Variants in CRMP1 observed in about 807,000 individuals in gnomAD.
CRMP1 encodes collapsin response mediator protein 1.
In CRMP1, 19 loss-of-function variants were observed where a neutral mutation model predicts 68.3. The observed-to-expected ratio is 0.28, with a 90% CI of 0.19 to 0.41. CRMP1 has a LOEUF of 0.41. Among genes scored for constraint, CRMP1 ranks in the 10% least tolerant of loss-of-function variants. CRMP1 has a pLI of 1.00. For synonymous variants in CRMP1, 439 were observed against 399.6 expected (o/e 1.10, Z -1.18); for missense variants, 791 against 967.4 (o/e 0.82, Z 2.42).
intron 1 of CRMP1, among the ~76,000 whole-genome samples, chr4:5,869,506 C>T (rs995853942): frequency 4.6e-5 from 7 of 151,540 alleles, no homozygotes; most frequent in Non-Finnish European, 7.4e-5. Context: ...CACGGTGAAA[C>T]GCCATCTCTA....
In CRMP1 at chr4:5,892,351, T is replaced by C. The variant is rs963025812; in HGVS notation, c.381+238A>G. On this transcript the variant is annotated intron_variant, in intron 1 of 13. Coordinates refer to ENST00000324989, the MANE Select transcript of CRMP1 (RefSeq NM_001014809.3). The surrounding 1 kb of genome is among the most constrained non-coding windows in gnomAD (Gnocchi z 8.6). ...CTTTCTGTAGAAGAGGAGCCGGGACTGGACCCGGGCGATCCCTTCCGAGTC... is the reference window on the plus strand; with the variant it reads ...CTTTCTGTAGAAGAGGAGCCGGGACCGGACCCGGGCGATCCCTTCCGAGTC... Among the ~76,000 whole-genome samples, 3 of 152,212 alleles carry C rather than the reference T, an allele frequency of 2.0e-5. No homozygotes were observed. Among genetic ancestry groups the C allele is most frequent in the South Asian group, 2.1e-4 (1 of 4,830 alleles).
chr4:5,853,599 C>T lies in CRMP1; in HGVS notation c.821-2130G>A, dbSNP rs1395842294. ...AGCAGTCCCACTACCGGCTGAAAAT[C>T]CAAAGGAATTGAAATCAGAATACCC... On this transcript the variant is annotated intron_variant, in intron 4 of 13. Transcript: ENST00000324989. The surrounding 1 kb of genome is among the most constrained non-coding windows in gnomAD (Gnocchi z 4.7). Among the ~76,000 whole-genome samples, 1 of 152,174 alleles carries T rather than the reference C, an allele frequency of 6.6e-6. No homozygotes were observed. The highest frequency in any genetic ancestry group is 1.5e-5 in the Non-Finnish European group (1 of 68,036).
chr4:5,851,943 G>A (rs920699522), intron 4 of CRMP1, among the ~76,000 whole-genome samples: 4 of 146,428 alleles, frequency 2.7e-5, no homozygotes, highest in Non-Finnish European at 4.5e-5. Flanking sequence ...GGAAGAGGAG[G>A]AGAAAGGGAG....
At position 5,854,484 on chromosome 4, in the gene CRMP1, A is replaced by G. The variant is rs1198305762; in HGVS notation, c.820+1659T>C. ...GGTCTCAAACTCCAGGCCTCAAGCAATCCTCCCTCCTCAGCCTCCCGAAGT... is the reference window on the plus strand; with the variant it reads ...GGTCTCAAACTCCAGGCCTCAAGCAGTCCTCCCTCCTCAGCCTCCCGAAGT... On this transcript the variant is annotated intron_variant, in intron 4 of 13. Transcript: ENST00000324989. The surrounding 1 kb of genome is among the most constrained non-coding windows in gnomAD (Gnocchi z 4.0). 6.8e-6 allele frequency among the ~76,000 whole-genome samples: 1 copy of G among 147,360 alleles called. No individual in the cohort carries two copies. Among genetic ancestry groups the G allele is most frequent in the Non-Finnish European group, 1.5e-5 (1 of 67,390 alleles).
chr4:5,887,548 A>T (rs775734387), intron 1 of CRMP1: 155 of 984,742 alleles, frequency 1.6e-4, no homozygotes, highest in Non-Finnish European at 1.8e-4. Context: ...GGCCACACCC[A>T]GGGACGCAGC....
Position 5,889,635 on chromosome 4 carries a change from A to G in CRMP1, c.381+2954T>C, listed in dbSNP as rs1359508163. The G allele has an allele frequency of 6.5e-7, 1 of 1,536,148 alleles. No homozygotes were observed. Among genetic ancestry groups the G allele is most frequent in the Non-Finnish European group, 8.7e-7 (1 of 1,146,908 alleles). On this transcript the variant is annotated intron_variant, in intron 1 of 13. Coordinates refer to ENST00000324989, the MANE Select transcript of CRMP1 (RefSeq NM_001014809.3). This position sits in a 1 kb window ranked among gnomAD's most constrained non-coding sequence, Gnocchi z 4.5. ...GAATAAAACACCAACCTTGTCCACC[A>G]CTTCGTTGTTCATTTTCTGCATGCG...
rs952796382 is a variant in CRMP1 at position 5,877,920 on chromosome 4, G to T, written c.382-11164C>A. Among the ~76,000 whole-genome samples the T allele has an allele frequency of 6.6e-6, 1 of 152,200 alleles. No individual in the cohort carries two copies. Among genetic ancestry groups the T allele is most frequent in the South Asian group, 2.1e-4 (1 of 4,824 alleles). ...GCCTGCACGCTGCATAGGGAAAGAC[G>T]ATGCTAGCTGCATGTGTGATCGGTA... On this transcript the variant is annotated intron_variant, in intron 1 of 13. Transcript: ENST00000324989. This position sits in a 1 kb window ranked among gnomAD's most constrained non-coding sequence, Gnocchi z 4.3.
chr4:5,851,547 C>T (rs1023634388), intron 4 of CRMP1, 78 bp from the exon 5 acceptor site: 29 of 1,408,238 alleles, frequency 2.1e-5, no homozygotes, highest in Non-Finnish European at 2.8e-5. Flanking sequence ...TCAATGACCA[C>T]AGAGCAGAGT....
chr4:5,845,927 C>A (rs937133570), intron 6 of CRMP1, among the ~76,000 whole-genome samples: 6 of 152,084 alleles, frequency 3.9e-5, no homozygotes, highest in Non-Finnish European at 8.8e-5. Context: ...GTCTACAGCC[C>A]CTTGTTAAGA....
chr4:5,827,417 G>A (rs967392337), intron 12 of CRMP1, among the ~76,000 whole-genome samples: 1 of 152,168 alleles, frequency 6.6e-6, no homozygotes, highest in Non-Finnish European at 1.5e-5. Context: ...TCTTTGACCT[G>A]GTGCTACACC....
Position 5,861,342 on chromosome 4 carries a change from T to C in CRMP1, c.471-132A>G. The stretch of plus-strand genomic sequence containing the variant: ...TCACAAGGCCCTGGGGAGACAGAGA[T>C]AACTCAGGCAGGGCACATGCCCTCA... On this transcript the variant is annotated intron_variant, in intron 2 of 13. Transcript: ENST00000324989. The surrounding 1 kb of genome is among the most constrained non-coding windows in gnomAD (Gnocchi z 6.0). 1 of 889,292 alleles carries C rather than the reference T, an allele frequency of 1.1e-6. No homozygotes were observed. The allele number at this position is 889,292 out of a possible 1,614,324, so 55.1% of individuals were successfully genotyped here.
rs1038783146 is a variant in CRMP1, at chr4:5,838,127, GAAGGA to G, written c.1311-1226_1311-1222del. On this transcript the variant is annotated intron_variant, in intron 9 of 13. Transcript: ENST00000324989. The surrounding 1 kb of genome is among the most constrained non-coding windows in gnomAD (Gnocchi z 4.9). ...CTGAGGAGCCTTCTAGCAAAGATCTGAAGGAAGTCACAGAGCAAACCATGTGGCGT... is the reference window on the plus strand; with the variant it reads ...CTGAGGAGCCTTCTAGCAAAGATCTGAGTCACAGAGCAAACCATGTGGCGT... Among the ~76,000 whole-genome samples the G allele has an allele frequency of 3.3e-5, 5 of 152,170 alleles. No individual in the cohort carries two copies. Among genetic ancestry groups the G allele is most frequent in the Non-Finnish European group, 4.4e-5 (3 of 68,032 alleles).
rs1715868219 is a variant in CRMP1 at position 5,890,032 on chromosome 4, G to C, written c.381+2557C>G. On this transcript the variant is annotated intron_variant, in intron 1 of 13. Transcript: ENST00000324989. This position sits in a 1 kb window ranked among gnomAD's most constrained non-coding sequence, Gnocchi z 5.5. ...GAGATGCCAGGTTCCCCTACACTCT[G>C]TTTACAACTCATTTCCCTCCACGCA... 1 of 713,026 alleles carries C rather than the reference G, an allele frequency of 1.4e-6. No individual in the cohort carries two copies. 44.2% of individuals were successfully genotyped at this position (713,026 alleles called of 1,614,324 possible).
intron 6 of CRMP1, among the ~76,000 whole-genome samples, chr4:5,845,716 T>G (rs1403399815): frequency 6.6e-6 from 1 of 152,232 alleles, no homozygotes; most frequent in African/African-American, 2.4e-5. Flanking sequence ...CAGGTTTTGT[T>G]ACCAGAAGTA....
intron 10 of CRMP1, 62 bp downstream of exon 10, chr4:5,836,703 T>C: frequency 6.2e-7 from 1 of 1,612,688 alleles, no homozygotes; most frequent in African/African-American, 1.3e-5. Flanking sequence ...GCATAATGCA[T>C]CGGCTTTCAC....
At chr4:5,878,141 G>C (rs1230739883) in intron 1 of CRMP1, among the ~76,000 whole-genome samples, 1 of 152,186 alleles carries the variant, frequency 6.6e-6, no homozygotes, top group South Asian at 2.1e-4. Flanking sequence ...AGGAAACTCA[G>C]AAGTAATTTG....
rs1233744604 is a variant in CRMP1, at chr4:5,872,314, C to T, written c.382-5558G>A. Among the ~76,000 whole-genome samples the T allele has an allele frequency of 6.6e-6, 1 of 152,094 alleles. No individual in the cohort carries two copies. The highest frequency in any genetic ancestry group is 2.4e-5 in the African/African-American group (1 of 41,408). ...TTATAAAAAAAAATAATACCGGTGC[C>T]GTCTATTGCCTCTCACGGGGTTACT... On this transcript the variant is annotated intron_variant, in intron 1 of 13. Coordinates refer to ENST00000324989, the MANE Select transcript of CRMP1 (RefSeq NM_001014809.3). The surrounding 1 kb of genome is among the most constrained non-coding windows in gnomAD (Gnocchi z 4.6).
Position 5,836,683 on chromosome 4 carries a change from AACCC to A in CRMP1, c.1452+78_1452+81del, listed in dbSNP as rs997956296. ...TCCATGTAAGAAGGGAACTTTTAAGAACCCAGCGTGCATAATGCATCGGCTTTCA... is the reference window on the plus strand; with the variant it reads ...TCCATGTAAGAAGGGAACTTTTAAGAAGCGTGCATAATGCATCGGCTTTCA... On this transcript the variant is annotated intron_variant, in intron 10 of 13. Transcript: ENST00000324989. 102 of 1,603,038 alleles carry A rather than the reference AACCC, an allele frequency of 6.4e-5. No individual in the cohort carries two copies. In the African/African-American group the frequency reaches 1.3e-3, roughly 20 times the overall value.
Position 5,842,949 on chromosome 4 carries a change from G to A in CRMP1, c.1032+144C>T, listed in dbSNP as rs560153261. 3.5e-5 allele frequency: 27 copies of A among 764,502 alleles called. No individual in the cohort carries two copies. Among genetic ancestry groups the A allele is most frequent in the African/African-American group, 1.4e-4 (8 of 57,420 alleles). The allele number at this position is 764,502 out of a possible 1,614,324, so 47.4% of individuals were successfully genotyped here. A position where few individuals can be genotyped will look rare whatever the true frequency, so the allele number is the denominator to read the frequency against. Reference sequence around the variant, plus strand: ...CCAGCCAGCAGTCCCCAGGGTTCCCGGGGAAAACAAGATGGTTTGGGATGG... The same window carrying A: ...CCAGCCAGCAGTCCCCAGGGTTCCCAGGGAAAACAAGATGGTTTGGGATGG... On this transcript the variant is annotated intron_variant, in intron 7 of 13. Coordinates refer to ENST00000324989, the MANE Select transcript of CRMP1 (RefSeq NM_001014809.3). This position sits in a 1 kb window ranked among gnomAD's most constrained non-coding sequence, Gnocchi z 4.5.
Sources: allele counts gnomAD v4.1 joint callset (sites outside exome capture counted in the v4.1 genomes callset), GRCh38; gene constraint gnomAD v4.1.1; non-coding constraint Gnocchi (gnomAD v3.1); transcripts MANE v1.5; gene names NCBI Gene and HGNC (gene_info 2026-07-23, HGNC 2026-07-21).